OSBPL3: variants seen among roughly 807,000 people sequenced by gnomAD.
OSBPL3 encodes the protein oxysterol binding protein like 3.
Under a neutral mutation model 120.1 loss-of-function variants are expected in OSBPL3, and 65 were observed. The ratio of observed to expected loss-of-function variants is 0.54; its 90% CI spans 0.44 to 0.67. The LOEUF is 0.67. Among genes scored for constraint, OSBPL3 ranks in the 30% least tolerant of loss-of-function variants. The probability of loss-of-function intolerance (pLI) is 0.00; values close to 1 mark genes in which losing one functional copy is unlikely to be tolerated. For synonymous variants in OSBPL3, 416 were observed against 402.6 expected (o/e 1.03, Z -0.40); for missense variants, 1,004 against 1,082.1 (o/e 0.93, Z 1.01).
intron 1 of OSBPL3, among the ~76,000 whole-genome samples, chr7:24,935,658 G>GT (rs1236931911): frequency 1.3e-5 from 2 of 151,798 alleles, no homozygotes; most frequent in African/African-American, 4.8e-5. Flanking sequence ...GGCACATTAG[G>GT]TTTTTTTAAA....
chr7:24,848,148 C>G (rs1278465515), intron 12 of OSBPL3, among the ~76,000 whole-genome samples: 1 of 152,206 alleles, frequency 6.6e-6, no homozygotes, highest in Non-Finnish European at 1.5e-5. Context: ...CAACTCGCCT[C>G]ACCACCCCGC....
chr7:24,818,616 G>A lies in OSBPL3; in HGVS notation c.1948+1559C>T, dbSNP rs1794759546. Among the ~76,000 whole-genome samples, 1 of 152,166 alleles carries A rather than the reference G, an allele frequency of 6.6e-6. No individual in the cohort carries two copies. Among genetic ancestry groups the A allele is most frequent in the Non-Finnish European group, 1.5e-5 (1 of 68,030 alleles). On this transcript the variant is annotated intron_variant, in intron 17 of 22. Coordinates refer to ENST00000313367, the MANE Select transcript of OSBPL3 (RefSeq NM_015550.4). The surrounding 1 kb of genome is among the most constrained non-coding windows in gnomAD (Gnocchi z 4.0). Reference sequence around the variant, plus strand: ...GCTAACAGGGGAGATGAAAGAGAATGATAGAAATTATTCAATCCAAAAGGC... The same window carrying A: ...GCTAACAGGGGAGATGAAAGAGAATAATAGAAATTATTCAATCCAAAAGGC...
chr7:24,843,816 A>C (rs1317446994), intron 12 of OSBPL3, among the ~76,000 whole-genome samples: 1 of 152,192 alleles, frequency 6.6e-6, no homozygotes, highest in Non-Finnish European at 1.5e-5. Flanking sequence ...CTCTCCTCAA[A>C]AGAGCCAGGC....
At position 24,966,296 on chromosome 7, in the gene OSBPL3, TCAGA is replaced by T. The variant is rs1213867688; in HGVS notation, c.-150+13586_-150+13589del. 6.6e-6 allele frequency among the ~76,000 whole-genome samples: 1 copy of T among 152,208 alleles called. No individual in the cohort carries two copies. Among genetic ancestry groups the T allele is most frequent in the Non-Finnish European group, 1.5e-5 (1 of 68,036 alleles). Reference sequence around the variant, plus strand: ...CTGTCCTTCTGACCCCTAGCATCTGTCAGACAAAGGTGTCTTATCTGTGGGTCAG... The same window carrying T: ...CTGTCCTTCTGACCCCTAGCATCTGTCAAAGGTGTCTTATCTGTGGGTCAG... On this transcript the variant is annotated intron_variant, in intron 1 of 22. Coordinates refer to ENST00000313367, the MANE Select transcript of OSBPL3 (RefSeq NM_015550.4). This position sits in a 1 kb window ranked among gnomAD's most constrained non-coding sequence, Gnocchi z 4.8.
At chr7:24,950,366 T>C (rs147585265) in intron 1 of OSBPL3, among the ~76,000 whole-genome samples, 1 of 152,166 alleles carries the variant, frequency 6.6e-6, no homozygotes, top group Non-Finnish European at 1.5e-5. Context: ...CCAAGAAATA[T>C]AGAAAGAGTT....
At chr7:24,970,104 C>CTT (rs10540160) in intron 1 of OSBPL3, among the ~76,000 whole-genome samples, 263 of 82,934 alleles carry the variant, frequency 3.2e-3, no homozygotes, top group Non-Finnish European at 4.1e-3. Context: ...TCGTCCCTTT[C>CTT]TTTTTTTTTT....
chr7:24,832,134 G>T (rs1285448720), intron 15 of OSBPL3, among the ~76,000 whole-genome samples: 1 of 150,576 alleles, frequency 6.6e-6, no homozygotes, highest in African/African-American at 2.5e-5. Flanking sequence ...TTGAGCCCAG[G>T]AGGTCGAGGC....
intron 19 of OSBPL3, among the ~76,000 whole-genome samples, chr7:24,810,541 A>C (rs112375680): frequency 8.5e-5 from 13 of 152,238 alleles, no homozygotes; most frequent in African/African-American, 2.9e-4. Context: ...AAACAAAACA[A>C]AACAAAAACA....
chr7:24,849,829 C>T lies in OSBPL3; in HGVS notation c.1159-653G>A, dbSNP rs949663032. Among the ~76,000 whole-genome samples the T allele has an allele frequency of 1.3e-5, 2 of 151,984 alleles. No individual in the cohort carries two copies. Among genetic ancestry groups the T allele is most frequent in the African/African-American group, 4.8e-5 (2 of 41,372 alleles). On this transcript the variant is annotated intron_variant, in intron 11 of 22. Coordinates refer to ENST00000313367, the MANE Select transcript of OSBPL3 (RefSeq NM_015550.4). This position sits in a 1 kb window ranked among gnomAD's most constrained non-coding sequence, Gnocchi z 5.4. Reference sequence around the variant, plus strand: ...AATTAGTTGGGCATGGTGGCACACACCTGTAGTCCCAGCTACTTGGGAGGC... The same window carrying T: ...AATTAGTTGGGCATGGTGGCACACATCTGTAGTCCCAGCTACTTGGGAGGC...
At chr7:24,874,227 A>G (rs1318696515) in intron 2 of OSBPL3, among the ~76,000 whole-genome samples, 1 of 152,238 alleles carries the variant, frequency 6.6e-6, no homozygotes, top group African/African-American at 2.4e-5. Flanking sequence ...ATGCACCCAC[A>G]ATTGTGAAAG....
In OSBPL3 at chr7:24,946,810, GGAGAAA is replaced by G. The variant is rs201521374; in HGVS notation, c.-150+33070_-150+33075del. Among the ~76,000 whole-genome samples the G allele has an allele frequency of 9.9e-3, 1,512 of 152,176 alleles. 33 individuals carry two copies. Among genetic ancestry groups the G allele is most frequent in the African/African-American group, 0.035 (1,456 of 41,500 alleles). The stretch of plus-strand genomic sequence containing the variant: ...TGAGCTGAAGTAGCAGGGATGTGTG[GGAGAAA>G]GAGAAAGAGGAGAGTGAGGAGAGAG... On this transcript the variant is annotated intron_variant, in intron 1 of 22. Coordinates refer to ENST00000313367, the MANE Select transcript of OSBPL3 (RefSeq NM_015550.4). The surrounding 1 kb of genome is among the most constrained non-coding windows in gnomAD (Gnocchi z 4.3).
rs1231971917 is a variant in OSBPL3 at position 24,817,599 on chromosome 7, C to T, written c.1949-911G>A. On this transcript the variant is annotated intron_variant, in intron 17 of 22. Coordinates refer to ENST00000313367, the MANE Select transcript of OSBPL3 (RefSeq NM_015550.4). The surrounding 1 kb of genome is among the most constrained non-coding windows in gnomAD (Gnocchi z 4.0). Reference sequence around the variant, plus strand: ...GTGCACTGAGTGGAAATAATCAGGCCACTGATGTGATTAGACATGGACCTT... The same window carrying T: ...GTGCACTGAGTGGAAATAATCAGGCTACTGATGTGATTAGACATGGACCTT... Among the ~76,000 whole-genome samples the T allele has an allele frequency of 2.6e-5, 4 of 152,098 alleles. No individual in the cohort carries two copies. Among genetic ancestry groups the T allele is most frequent in the Admixed American group, 2.6e-4 (4 of 15,270 alleles).
At chr7:24,923,466 C>G (rs1810654337) in intron 1 of OSBPL3, among the ~76,000 whole-genome samples, 1 of 152,198 alleles carries the variant, frequency 6.6e-6, no homozygotes, top group South Asian at 2.1e-4. Context: ...CCTAGGCAGA[C>G]TCTGAAGACC....
At chr7:24,935,252 T>C (rs1217201393) in intron 1 of OSBPL3, among the ~76,000 whole-genome samples, 1 of 152,108 alleles carries the variant, frequency 6.6e-6, no homozygotes, top group African/African-American at 2.4e-5. Context: ...CACCCACCAA[T>C]GGTAACATCT....
rs563162636 is a variant in OSBPL3, at chr7:24,955,771, T to C, written c.-150+24115A>G. Among the ~76,000 whole-genome samples, 16 of 152,318 alleles carry C rather than the reference T, an allele frequency of 1.1e-4. No homozygotes were observed. In the South Asian group the frequency reaches 2.3e-3, roughly 22 times the overall value. ...ATGAGGGCAGGGACTTTGTTTGTTG[T>C]TGTATCCCCTGGACCCACAAGGGGG... On this transcript the variant is annotated intron_variant, in intron 1 of 22. Coordinates refer to ENST00000313367, the MANE Select transcript of OSBPL3 (RefSeq NM_015550.4). The surrounding 1 kb of genome is among the most constrained non-coding windows in gnomAD (Gnocchi z 4.3).
In OSBPL3 at chr7:24,964,033, T is replaced by A. The variant is rs1226321576; in HGVS notation, c.-150+15853A>T. 6.6e-6 allele frequency among the ~76,000 whole-genome samples: 1 copy of A among 152,056 alleles called. No homozygotes were observed. Among genetic ancestry groups the A allele is most frequent in the Non-Finnish European group, 1.5e-5 (1 of 68,018 alleles). On this transcript the variant is annotated intron_variant, in intron 1 of 22. Coordinates refer to ENST00000313367, the MANE Select transcript of OSBPL3 (RefSeq NM_015550.4). This position sits in a 1 kb window ranked among gnomAD's most constrained non-coding sequence, Gnocchi z 4.2. The stretch of plus-strand genomic sequence containing the variant: ...TCCTAATAGCTAAAGCTGGACGAAC[T>A]TCAGAAACAAAATAAAGTACTACTA...
In OSBPL3 at chr7:24,936,355, A is replaced by T. The variant is rs1329927368; in HGVS notation, c.-150+43531T>A. ...TCAATATAACCTTTAATGACCACAG[A>T]CTATGTACTAAAATTATGCAAAGGT... On this transcript the variant is annotated intron_variant, in intron 1 of 22. Coordinates refer to ENST00000313367, the MANE Select transcript of OSBPL3 (RefSeq NM_015550.4). The surrounding 1 kb of genome is among the most constrained non-coding windows in gnomAD (Gnocchi z 4.2). Among the ~76,000 whole-genome samples the T allele has an allele frequency of 1.3e-5, 2 of 152,210 alleles. No homozygotes were observed. The highest frequency in any genetic ancestry group is 2.9e-5 in the Non-Finnish European group (2 of 68,030).
rs1203554690 is a variant in OSBPL3 at position 24,955,302 on chromosome 7, A to C, written c.-150+24584T>G. Among the ~76,000 whole-genome samples the C allele has an allele frequency of 6.6e-6, 1 of 152,222 alleles. No homozygotes were observed. Among genetic ancestry groups the C allele is most frequent in the East Asian group, 1.9e-4 (1 of 5,200 alleles). On this transcript the variant is annotated intron_variant, in intron 1 of 22. Transcript: ENST00000313367. This position sits in a 1 kb window ranked among gnomAD's most constrained non-coding sequence, Gnocchi z 4.3. ...AAGAAAGCAAACTTTTCCCATAATG[A>C]GTTTGGGGGCTACCATGTCATTTAG...
rs192444541 is a variant in OSBPL3, at chr7:24,912,376, T to A, written c.-149-19755A>T. On this transcript the variant is annotated intron_variant, in intron 1 of 22. Transcript: ENST00000313367. This position sits in a 1 kb window ranked among gnomAD's most constrained non-coding sequence, Gnocchi z 4.5. ...CATCAAATTAATTTTAAAAATCAAA[T>A]TCAGCAACCAGGGCCTTGATCTTCC... Among the ~76,000 whole-genome samples the A allele has an allele frequency of 6.6e-6, 1 of 152,320 alleles. No homozygotes were observed. Among genetic ancestry groups the A allele is most frequent in the East Asian group, 1.9e-4 (1 of 5,186 alleles).
Sources: gnomAD v4.1 joint callset for allele counts (sites outside exome capture counted in the v4.1 genomes callset) on GRCh38, gnomAD v4.1.1 for gene constraint, Gnocchi (gnomAD v3.1) non-coding constraint, MANE v1.5 for transcripts, NCBI Gene and HGNC (gene_info 2026-07-23, HGNC 2026-07-21) for gene names.